AMBRA1: variants seen among roughly 807,000 people sequenced by gnomAD.
AMBRA1 encodes activating molecule in BECN1-regulated autophagy protein 1.
In AMBRA1, 47 loss-of-function variants were observed where a neutral mutation model predicts 125.4. The observed-to-expected ratio is 0.37, with a 90% CI of 0.30 to 0.48. The LOEUF (loss-of-function observed/expected upper bound fraction) is 0.48. AMBRA1 is among the 20% of genes least tolerant of loss of function. AMBRA1 has a pLI of 0.99. For missense variants in AMBRA1, 1,331 were observed against 1,693.4 expected (o/e 0.79, Z 3.76); for synonymous variants, 626 against 655.5 (o/e 0.95, Z 0.69).
chr11:46,519,234 G>A (rs1951654464), intron 7 of AMBRA1, among the ~76,000 whole-genome samples: 1 of 152,070 alleles, frequency 6.6e-6, no homozygotes, highest in Non-Finnish European at 1.5e-5. Flanking sequence ...ATGTTGTCCA[G>A]GCTGGTCTTG....
In AMBRA1 at chr11:46,542,182, C is replaced by T. The variant is rs1426242560; in HGVS notation, c.1835G>A (p.Ser612Asn). The change falls in exon 7 of 18, where the codon AGT (serine) becomes AAT (asparagine). Residue 612 changes from serine (S) to asparagine (N), a missense_variant. Transcript: ENST00000683756. This position sits in a 1 kb window ranked among gnomAD's most constrained non-coding sequence, Gnocchi z 5.9. ...CTCGAGAGGTGGCAACTGGCTGCCA[C>T]TTGATGGCACACTCTCAAAGGAGCT... ...VPSSFESVPSSGSQLPPLERT... is the reference protein window; with the variant it reads ...VPSSFESVPSNGSQLPPLERT... 4 of 1,613,688 alleles carry T rather than the reference C, an allele frequency of 2.5e-6. No homozygotes were observed. In the African/African-American group the frequency reaches 4.0e-5, roughly 16 times the overall value.
At chr11:46,588,086 A>T (rs2044466304) in intron 1 of AMBRA1, among the ~76,000 whole-genome samples, 1 of 152,216 alleles carries the variant, frequency 6.6e-6, no homozygotes, top group South Asian at 2.1e-4. Context: ...TAATCACAGA[A>T]CTTTGACAGG....
intron 9 of AMBRA1, among the ~76,000 whole-genome samples, chr11:46,507,847 TG>T (rs1043778084): frequency 2.8e-4 from 43 of 152,250 alleles, no homozygotes; most frequent in African/African-American, 9.9e-4. Flanking sequence ...CTCCCTGATG[TG>T]GTAAAGACAG....
At position 46,408,531 on chromosome 11, in the gene AMBRA1, C is replaced by T. The variant is rs72910100; in HGVS notation, c.3385G>A (p.Ala1129Thr). The T allele has an allele frequency of 1.0e-5, 16 of 1,573,126 alleles. No homozygotes were observed. The highest frequency in any genetic ancestry group is 1.7e-4 in the Middle Eastern group (1 of 5,736). ...EREVPEPGTA[A>T]SGPGEGEGSE... is the part of the protein sequence containing the mutation. Reference sequence around the variant, plus strand: ...CTCCTACCTTCACCAGGACCTGAGGCGGCTGTCCCTGGCTCCGGCACCTCC... The same window carrying T: ...CTCCTACCTTCACCAGGACCTGAGGTGGCTGTCCCTGGCTCCGGCACCTCC... The change falls in exon 17 of 18, where the codon GCC (alanine) becomes ACC (threonine). Residue 1129 changes from alanine (A) to threonine (T), a missense_variant. Physicochemically the swap from Ala to Thr is moderately conservative, Grantham distance 58. Transcript: ENST00000683756.
intron 11 of AMBRA1, among the ~76,000 whole-genome samples, chr11:46,471,051 T>C (rs980973409): frequency 7.2e-5 from 11 of 152,156 alleles, no homozygotes; most frequent in Admixed American, 3.3e-4. Flanking sequence ...CTGAAAGAAT[T>C]TACTGAATCC....
At chr11:46,575,801 C>A (rs567405858) in intron 1 of AMBRA1, among the ~76,000 whole-genome samples, 85 of 152,302 alleles carry the variant, frequency 5.6e-4, no homozygotes, top group African/African-American at 1.9e-3. Flanking sequence ...AGGCGTGAGC[C>A]TCCGTGCCCA....
chr11:46,578,104 T>A (rs2044023887), intron 1 of AMBRA1, among the ~76,000 whole-genome samples: 1 of 151,912 alleles, frequency 6.6e-6, no homozygotes, highest in Non-Finnish European at 1.5e-5. Flanking sequence ...TGGAAGAAAG[T>A]GTGTCTCAAA....
chr11:46,420,121 C>T (rs1946778877), intron 14 of AMBRA1, among the ~76,000 whole-genome samples: 1 of 152,000 alleles, frequency 6.6e-6, no homozygotes, highest in Admixed American at 6.6e-5. Context: ...GGGCCTTTTA[C>T]AGACATGGAA....
chr11:46,408,704 G>T lies in AMBRA1; in HGVS notation c.3212C>A (p.Thr1071Asn). The T allele has an allele frequency of 6.5e-7, 1 of 1,529,368 alleles. No individual in the cohort carries two copies. Among genetic ancestry groups the T allele is most frequent in the Non-Finnish European group, 8.8e-7 (1 of 1,133,136 alleles). 94.7% of individuals were successfully genotyped at this position (1,529,368 alleles called of 1,614,324 possible). Reference protein sequence around the residue: ...SNSRSSERPGTSRATWRTDRD... With the variant: ...SNSRSSERPGNSRATWRTDRD... ...GTCTGTCCTCCATGTGGCTCTGCTG[G>T]TTCTAGGGAGAGAAAGGCAGACTAA... Residue 1071 changes from threonine (T) to asparagine (N), a missense_variant and splice_region_variant, in exon 17 of 18, where the codon ACC (threonine) becomes AAC (asparagine). This residue lies in a region of AMBRA1 where 354 missense variants were observed against 532.7 expected (regional missense o/e 0.66). Transcript: ENST00000683756.
chr11:46,508,321 G>A lies in AMBRA1; in HGVS notation c.2209C>T (p.Arg737Trp), dbSNP rs1278982486. ...GAGCGCTGGCGAATACTGTCTCTCC[G>A]TGAGAGATACTGGATCATCCTCTGG... ...YAQRMIQYLS[R>W]RDSIRQRSMR... The change falls in exon 9 of 18, where the codon CGG becomes TGG. Residue 737 changes from arginine to tryptophan, a missense_variant. Transcript: ENST00000683756. 6 of 1,614,182 alleles carry A rather than the reference G, an allele frequency of 3.7e-6. No individual in the cohort carries two copies. The highest frequency in any genetic ancestry group is 2.7e-5 in the African/African-American group (2 of 75,056).
intron 7 of AMBRA1, among the ~76,000 whole-genome samples, 194 bp downstream of exon 7, chr11:46,541,751 A>G (rs1446682370): frequency 6.6e-6 from 1 of 152,216 alleles, no homozygotes; most frequent in Non-Finnish European, 1.5e-5. Flanking sequence ...AGCGCAGCCA[A>G]CTGACTCATA....
intron 14 of AMBRA1, among the ~76,000 whole-genome samples, chr11:46,425,344 G>GTGTA (rs1376882179): frequency 1.3e-5 from 2 of 150,682 alleles, no homozygotes; most frequent in East Asian, 3.9e-4. Context: ...GTGTGTGTGT[G>GTGTA]TGTGTGTAAG....
intron 15 of AMBRA1, among the ~76,000 whole-genome samples, chr11:46,415,492 T>C (rs569987048): frequency 6.6e-6 from 1 of 152,368 alleles, no homozygotes; most frequent in South Asian, 2.1e-4. Context: ...AGTTCTGTCA[T>C]CTGTTAGGAG....
At chr11:46,445,156 T>A (rs909064977) in intron 11 of AMBRA1, among the ~76,000 whole-genome samples, 4 of 151,668 alleles carry the variant, frequency 2.6e-5, no homozygotes, top group African/African-American at 9.7e-5. Flanking sequence ...ACACATTGTA[T>A]CTGTGATATT....
chr11:46,449,449 CTT>C (rs985299976), intron 11 of AMBRA1, among the ~76,000 whole-genome samples: 7 of 152,130 alleles, frequency 4.6e-5, no homozygotes, highest in Admixed American at 1.3e-4. Context: ...AAAAAATAAA[CTT>C]AGGTATAAAT....
intron 11 of AMBRA1, among the ~76,000 whole-genome samples, chr11:46,466,184 A>G (rs1303565541): frequency 6.6e-6 from 1 of 152,164 alleles, no homozygotes; most frequent in African/African-American, 2.4e-5. Flanking sequence ...ACTTCCATCA[A>G]AAGCATTATA....
chr11:46,527,856 T>C (rs1378892351), intron 7 of AMBRA1, among the ~76,000 whole-genome samples: 1 of 151,638 alleles, frequency 6.6e-6, no homozygotes, highest in East Asian at 1.9e-4. Context: ...GCACTGTTGG[T>C]AGGATTGTAA....
Position 46,433,081 on chromosome 11 carries a change from C to A in AMBRA1, c.2976+393G>T, listed in dbSNP as rs372965312. Among the ~76,000 whole-genome samples, 4 of 152,254 alleles carry A rather than the reference C, an allele frequency of 2.6e-5. No homozygotes were observed. In the South Asian group the frequency reaches 6.2e-4, roughly 24 times the overall value. ...ATAATTATAACCCACAGAAAAAAAA[C>A]ATTTCATGGCATACTATTACTTTTT... On this transcript the variant is annotated intron_variant, in intron 14 of 17. Coordinates refer to ENST00000683756, the MANE Select transcript of AMBRA1 (RefSeq NM_001387011.1).
At chr11:46,569,440 A>AATATATATATATATAT (rs1243484151) in intron 1 of AMBRA1, among the ~76,000 whole-genome samples, 5 of 131,386 alleles carry the variant, frequency 3.8e-5, no homozygotes, top group African/African-American at 1.5e-4. Context: ...AAAAAAAAAA[A>AATATATATATATATAT]ATATATATAT....
Sources: gnomAD v4.1 joint callset for allele counts (sites outside exome capture counted in the v4.1 genomes callset) on GRCh38, gnomAD v4.1.1 for gene constraint, gnomAD v4.1.1 regional missense constraint, Gnocchi (gnomAD v3.1) non-coding constraint, MANE v1.5 for transcripts, NCBI Gene and HGNC (gene_info 2026-07-23, HGNC 2026-07-21) for gene names.